Variants in OPHN1 observed in about 807,000 individuals in gnomAD.
OPHN1 encodes oligophrenin 1, also known as oligophrenin-1.
OPHN1 carries 11 observed loss-of-function variants against 60.7 expected under a neutral mutation model. The ratio of observed to expected loss-of-function variants is 0.18; its 90% CI spans 0.11 to 0.30. The LOEUF (loss-of-function observed/expected upper bound fraction) is 0.30, where lower values mean the gene tolerates loss of function less well. Ranked by LOEUF, OPHN1 falls within the 10% of genes least tolerant of loss-of-function variation. OPHN1 has a pLI of 1.00. For missense variants in OPHN1, 449 were observed against 611.0 expected (o/e 0.73, Z 2.80); for synonymous variants, 226 against 222.6 (o/e 1.02, Z -0.14).
rs906556660 is a variant in OPHN1 at position 68,045,899 on chromosome X, T to C, written c.*1273A>G. 5.4e-5 allele frequency: 6 copies of C among 111,743 alleles called. No homozygotes were observed. Among genetic ancestry groups the C allele is most frequent in the Admixed American group, 9.5e-5 (1 of 10,520 alleles). The allele number at this position is 111,743 out of a possible 1,213,427, so 9.2% of individuals were successfully genotyped here. ...ATATAATGGGGAAAAAAAACTTGCA[T>C]AGGAGCCTGGGACCTGAGATCTTGT... On this transcript the variant is annotated 3_prime_UTR_variant, in exon 25 of 25. Coordinates refer to ENST00000355520, the MANE Select transcript of OPHN1 (RefSeq NM_002547.3).
intron 5 of OPHN1, among the ~76,000 whole-genome samples, chrX:68,261,205 A>C (rs947866937): frequency 9.0e-6 from 1 of 111,568 alleles, no homozygotes; most frequent in Non-Finnish European, 1.9e-5. Context: ...ACCACAAAAA[A>C]GCTCAATTCA....
chrX:68,268,480 T>A (rs897486457), intron 5 of OPHN1, among the ~76,000 whole-genome samples: 3 of 111,845 alleles, frequency 2.7e-5, no homozygotes, highest in Middle Eastern at 4.6e-3. Context: ...ACAGAACCAA[T>A]GACAAAAACC....
chrX:68,108,482 A>T (rs747939122), intron 18 of OPHN1, among the ~76,000 whole-genome samples: 92 of 111,572 alleles, frequency 8.2e-4, no homozygotes, highest in Admixed American at 8.2e-3. Context: ...TAATGTTAAA[A>T]TTTTTTTTCC....
chrX:68,217,163 T>A (rs887568736), intron 6 of OPHN1, among the ~76,000 whole-genome samples: 4 of 111,250 alleles, frequency 3.6e-5, no homozygotes, highest in Non-Finnish European at 7.6e-5. Flanking sequence ...AAGAAAGGGG[T>A]GACGGATGGC....
At chrX:68,220,981 G>A (rs1417449789) in intron 6 of OPHN1, among the ~76,000 whole-genome samples, 2 of 100,994 alleles carry the variant, frequency 2.0e-5, no homozygotes, top group African/African-American at 3.4e-5. Flanking sequence ...AGGAAAAGAG[G>A]AAGTTAAATT....
chrX:68,348,055 G>A (rs1183215498), intron 2 of OPHN1, among the ~76,000 whole-genome samples: 1 of 111,896 alleles, frequency 8.9e-6, no homozygotes, highest in Non-Finnish European at 1.9e-5. Context: ...TAGGAATAGG[G>A]AGGGCCCTAC....
At chrX:68,414,516 C>T (rs12010427) in intron 2 of OPHN1, among the ~76,000 whole-genome samples, 4,993 of 112,201 alleles carry the variant, frequency 0.045, 291 homozygotes, top group African/African-American at 0.15. Context: ...GGCACAAGCA[C>T]TGTCATAAGT....
intron 15 of OPHN1, among the ~76,000 whole-genome samples, chrX:68,126,077 G>A (rs930658582): frequency 2.8e-5 from 3 of 105,607 alleles, no homozygotes; most frequent in Admixed American, 1.0e-4. Flanking sequence ...TGCAAGGATG[G>A]TTCAACATAC....
rs148854513 is a variant in OPHN1, at chrX:68,070,117, T to G, written c.1834+3035A>C. On this transcript the variant is annotated intron_variant, in intron 20 of 24. Coordinates refer to ENST00000355520, the MANE Select transcript of OPHN1 (RefSeq NM_002547.3). ...ACACTTTTATTGTCTATTTAATGGA[T>G]CATCAATTTCGTCTCCCTACCTACA... 5.1e-3 allele frequency among the ~76,000 whole-genome samples: 569 copies of G among 111,781 alleles called. 3 individuals carry two copies. The highest frequency in any genetic ancestry group is 5.7e-3 in the Non-Finnish European group (304 of 53,159).
At chrX:68,336,932 G>A (rs746598070) in intron 2 of OPHN1, among the ~76,000 whole-genome samples, 2 of 110,297 alleles carry the variant, frequency 1.8e-5, no homozygotes, top group Non-Finnish European at 3.8e-5. Context: ...ATGGTGGTAC[G>A]CATCTATAAT....
At chrX:68,125,930 A>AATATATGTATATATATAT (rs2077168333) in intron 15 of OPHN1, among the ~76,000 whole-genome samples, 1 of 22,260 alleles carries the variant, frequency 4.5e-5, no homozygotes, top group Non-Finnish European at 1.0e-4. Context: ...ACCACTGATC[A>AATATATGTATATATATAT]ATATATATAT....
chrX:68,260,816 C>A (rs191713089), intron 5 of OPHN1, among the ~76,000 whole-genome samples: 2 of 111,475 alleles, frequency 1.8e-5, no homozygotes, highest in East Asian at 5.7e-4. Flanking sequence ...TTATTTGGAT[C>A]TATCAATGGG....
chrX:68,336,348 C>A (rs1416308310), intron 2 of OPHN1: 1 of 109,196 alleles, frequency 9.2e-6, no homozygotes, highest in Non-Finnish European at 1.9e-5. Context: ...CAGACTGAGA[C>A]CCCATCTCTA....
intron 2 of OPHN1, among the ~76,000 whole-genome samples, chrX:68,350,360 T>C: frequency 9.1e-6 from 1 of 110,437 alleles, no homozygotes; most frequent in Non-Finnish European, 1.9e-5. Flanking sequence ...TTTCTTTTTC[T>C]CTTCCTCTTT....
chrX:68,373,420 C>G (rs1326290246), intron 2 of OPHN1, among the ~76,000 whole-genome samples: 1 of 112,008 alleles, frequency 8.9e-6, no homozygotes, highest in East Asian at 2.8e-4. Context: ...TAATCCATCA[C>G]ATATGACTTC....
At chrX:68,253,977 C>A (rs1402335716) in intron 5 of OPHN1, among the ~76,000 whole-genome samples, 1 of 112,025 alleles carries the variant, frequency 8.9e-6, no homozygotes, top group Non-Finnish European at 1.9e-5. Flanking sequence ...TAGGGGGTAA[C>A]GGCACAGGGA....
chrX:68,143,795 G>A (rs1334756944), intron 15 of OPHN1, among the ~76,000 whole-genome samples: 1 of 111,742 alleles, frequency 8.9e-6, no homozygotes, highest in African/African-American at 3.3e-5. Context: ...GGAAGCTTGT[G>A]TCTGGTTTCC....
At chrX:68,370,172 G>A (rs1190905758) in intron 2 of OPHN1, among the ~76,000 whole-genome samples, 4 of 106,861 alleles carry the variant, frequency 3.7e-5, no homozygotes, top group African/African-American at 1.4e-4. Flanking sequence ...TACAAGAAAT[G>A]CTAAAGGGAA....
chrX:68,336,957 A>G (rs1210521286), intron 2 of OPHN1, among the ~76,000 whole-genome samples: 1 of 110,546 alleles, frequency 9.0e-6, no homozygotes, highest in Non-Finnish European at 1.9e-5. Context: ...GCTACTCGGG[A>G]GGCTGATGCA....
Sources: allele counts gnomAD v4.1 joint callset (sites outside exome capture counted in the v4.1 genomes callset), GRCh38; gene constraint gnomAD v4.1.1; transcripts MANE v1.5; gene names NCBI Gene and HGNC (gene_info 2026-07-23, HGNC 2026-07-21).